Variants in PRKG1 observed in about 807,000 individuals in gnomAD.
PRKG1 encodes the protein protein kinase cGMP-dependent 1, also known as cGMP-dependent protein kinase 1.
PRKG1 carries 35 observed loss-of-function variants against 88.1 expected under a neutral mutation model. The observed-to-expected ratio is 0.40, with a 90% CI of 0.30 to 0.53. The LOEUF (loss-of-function observed/expected upper bound fraction) is 0.53, where lower values mean the gene tolerates loss of function less well. PRKG1 is among the 20% of genes least tolerant of loss of function. PRKG1 has a pLI of 0.59. For missense variants in PRKG1, 540 were observed against 839.8 expected (o/e 0.64, Z 4.41); for synonymous variants, 303 against 292.5 (o/e 1.04, Z -0.37).
intron 4 of PRKG1, among the ~76,000 whole-genome samples, chr10:51,877,846 G>T (rs1841337781): frequency 6.6e-6 from 1 of 152,102 alleles, no homozygotes. Flanking sequence ...CCTCATGGTG[G>T]CAGCATCCAG....
intron 3 of PRKG1, among the ~76,000 whole-genome samples, chr10:51,731,388 G>T (rs1842268342): frequency 6.6e-6 from 1 of 152,038 alleles, no homozygotes; most frequent in South Asian, 2.1e-4. Context: ...GAAACAAAGT[G>T]GTGTCTGTAT....
At chr10:51,199,796 G>A (rs772929174) in intron 2 of PRKG1, among the ~76,000 whole-genome samples, 22 of 152,112 alleles carry the variant, frequency 1.4e-4, no homozygotes, top group South Asian at 2.1e-4. Flanking sequence ...TCCCTTTGAC[G>A]CTTTGGGCTA....
intron 5 of PRKG1, among the ~76,000 whole-genome samples, chr10:51,970,764 T>TGA: frequency 6.9e-6 from 1 of 144,538 alleles, no homozygotes; most frequent in Non-Finnish European, 1.5e-5. Context: ...ATATATCAGA[T>TGA]TATATATATA....
intron 3 of PRKG1, among the ~76,000 whole-genome samples, chr10:51,655,943 G>A (rs1840150326): frequency 6.6e-6 from 1 of 152,164 alleles, no homozygotes; most frequent in South Asian, 2.1e-4. Context: ...AAATTTTCAA[G>A]TGCTGGGAGA....
At chr10:52,124,439 A>G (rs894105177) in intron 7 of PRKG1, among the ~76,000 whole-genome samples, 2 of 152,212 alleles carry the variant, frequency 1.3e-5, no homozygotes, top group Non-Finnish European at 2.9e-5. Flanking sequence ...AAAATATACC[A>G]TGAAAGATTA....
intron 9 of PRKG1, among the ~76,000 whole-genome samples, chr10:52,251,235 G>A (rs1018542321): frequency 6.6e-6 from 1 of 151,914 alleles, no homozygotes; most frequent in Non-Finnish European, 1.5e-5. Context: ...AACCAAAAAA[G>A]AACAACTCAA....
At chr10:51,772,272 A>C (rs973474730) in intron 3 of PRKG1, among the ~76,000 whole-genome samples, 21 of 152,180 alleles carry the variant, frequency 1.4e-4, no homozygotes, top group African/African-American at 5.1e-4. Context: ...CATTTGGATT[A>C]ATTTATTCTG....
chr10:51,266,358 A>G (rs1405635649), intron 2 of PRKG1, among the ~76,000 whole-genome samples: 8 of 152,206 alleles, frequency 5.3e-5, no homozygotes, highest in Non-Finnish European at 1.2e-4. Flanking sequence ...AAGGCTAGGT[A>G]AGTAGCTATT....
At chr10:51,415,404 T>C (rs960403828) in intron 2 of PRKG1, among the ~76,000 whole-genome samples, 3 of 152,182 alleles carry the variant, frequency 2.0e-5, no homozygotes, top group African/African-American at 7.2e-5. Context: ...CCTTATTTGG[T>C]ATCTTTGCTG....
At chr10:51,787,430 A>G (rs912625157) in intron 3 of PRKG1, among the ~76,000 whole-genome samples, 14 of 152,236 alleles carry the variant, frequency 9.2e-5, no homozygotes, top group Non-Finnish European at 1.9e-4. Flanking sequence ...TTAATCAATC[A>G]TACTTAAAGG....
intron 9 of PRKG1, among the ~76,000 whole-genome samples, chr10:52,216,880 A>G (rs909656629): frequency 2.0e-5 from 3 of 152,188 alleles, no homozygotes; most frequent in African/African-American, 7.2e-5. Context: ...TCACAAATGG[A>G]AGCTTTCTTT....
intron 8 of PRKG1, among the ~76,000 whole-genome samples, chr10:52,156,130 A>C (rs978944704): frequency 4.6e-5 from 7 of 152,002 alleles, no homozygotes; most frequent in Non-Finnish European, 7.4e-5. Flanking sequence ...CAAAGCAAAG[A>C]CACAGACAAA....
chr10:51,636,888 T>C (rs16920786), intron 3 of PRKG1, among the ~76,000 whole-genome samples: 6,474 of 152,304 alleles, frequency 0.043, 180 homozygotes, highest in Middle Eastern at 0.082. Flanking sequence ...TTTACTTTCC[T>C]TGAGTTTTAT....
chr10:51,672,536 T>A (rs1840610649), intron 3 of PRKG1, among the ~76,000 whole-genome samples: 1 of 152,218 alleles, frequency 6.6e-6, no homozygotes, highest in Admixed American at 6.5e-5. Flanking sequence ...ATCATAAACA[T>A]TGCTATTTTA....
intron 4 of PRKG1, among the ~76,000 whole-genome samples, chr10:51,845,870 C>T (rs1352193184): frequency 6.6e-6 from 1 of 152,018 alleles, no homozygotes; most frequent in Non-Finnish European, 1.5e-5. Flanking sequence ...TGTTTGAGGT[C>T]CCCACATTGT....
chr10:51,809,196 T>C (rs542196099), intron 4 of PRKG1, among the ~76,000 whole-genome samples: 1 of 152,304 alleles, frequency 6.6e-6, no homozygotes, highest in East Asian at 1.9e-4. Flanking sequence ...CAAACTGTGA[T>C]TCTGTCTCTT....
chr10:51,992,441 G>C (rs1235685280), intron 5 of PRKG1, among the ~76,000 whole-genome samples: 5 of 151,970 alleles, frequency 3.3e-5, no homozygotes, highest in African/African-American at 1.2e-4. Flanking sequence ...TTTATTTGCT[G>C]TGTTGAATGC....
chr10:51,303,978 C>T (rs1840964936), intron 2 of PRKG1, among the ~76,000 whole-genome samples: 1 of 152,018 alleles, frequency 6.6e-6, no homozygotes, highest in Non-Finnish European at 1.5e-5. Context: ...CACCACCATG[C>T]CCAGTTAATT....
chr10:51,924,879 A>G (rs1486396219), intron 5 of PRKG1, among the ~76,000 whole-genome samples: 21 of 146,340 alleles, frequency 1.4e-4, no homozygotes, highest in Non-Finnish European at 2.1e-4. Flanking sequence ...AATTTCTAGC[A>G]TTTTCTTTTG....
Sources: gnomAD v4.1 joint callset for allele counts (sites outside exome capture counted in the v4.1 genomes callset) on GRCh38, gnomAD v4.1.1 for gene constraint, MANE v1.5 for transcripts, NCBI Gene and HGNC (gene_info 2026-07-23, HGNC 2026-07-21) for gene names.